ADAMTSL1: variants seen among roughly 807,000 people sequenced by gnomAD.
ADAMTSL1 encodes ADAMTS-like protein 1.
In ADAMTSL1, 126 loss-of-function variants were observed where a neutral mutation model predicts 201.8. The ratio of observed to expected loss-of-function variants is 0.62; its 90% confidence interval spans 0.54 to 0.72. The LOEUF (loss-of-function observed/expected upper bound fraction) is 0.72. ADAMTSL1 is among the 30% of genes least tolerant of loss of function. The pLI is 0.00. For missense variants in ADAMTSL1, 2,679 were observed against 2,277.8 expected (o/e 1.18, Z -3.59); for synonymous variants, 1,121 against 903.4 (o/e 1.24, Z -4.32).
intron 1 of ADAMTSL1, among the ~76,000 whole-genome samples, chr9:17,986,140 G>A (rs917956607): frequency 6.6e-6 from 1 of 152,088 alleles, no homozygotes; most frequent in Non-Finnish European, 1.5e-5. Flanking sequence ...ATTGCTTGGA[G>A]GCTCTGAGTT....
chr9:18,410,136 G>A (rs946613661), intron 2 of ADAMTSL1, among the ~76,000 whole-genome samples: 1 of 150,552 alleles, frequency 6.6e-6, no homozygotes, highest in Non-Finnish European at 1.5e-5. Context: ...AATCATTGTT[G>A]AATATTATTA....
intron 3 of ADAMTSL1, among the ~76,000 whole-genome samples, chr9:18,540,104 GAA>G (rs2132149008): frequency 1.3e-5 from 2 of 152,318 alleles, no homozygotes; most frequent in South Asian, 4.1e-4. Flanking sequence ...ATGAGAAAGA[GAA>G]AGAGAGAGGG....
chr9:18,481,273 A>G (rs1821714938), intron 1 of ADAMTSL1, among the ~76,000 whole-genome samples: 1 of 152,196 alleles, frequency 6.6e-6, no homozygotes, highest in Non-Finnish European at 1.5e-5. Flanking sequence ...GGCTGGGTGC[A>G]GTGGCTCACA....
At chr9:18,725,067 T>A (rs1817788301) in intron 15 of ADAMTSL1, among the ~76,000 whole-genome samples, 1 of 152,124 alleles carries the variant, frequency 6.6e-6, no homozygotes, top group African/African-American at 2.4e-5. Context: ...CCACCACGCC[T>A]GGCTAATATT....
intron 1 of ADAMTSL1, among the ~76,000 whole-genome samples, chr9:17,917,069 G>A (rs1049076761): frequency 6.6e-6 from 1 of 151,558 alleles, no homozygotes; most frequent in South Asian, 2.1e-4. Flanking sequence ...TTTTTTGTTA[G>A]TATACAAAAA....
At chr9:17,933,586 G>C (rs1055702994) in intron 1 of ADAMTSL1, among the ~76,000 whole-genome samples, 17 of 152,178 alleles carry the variant, frequency 1.1e-4, no homozygotes, top group African/African-American at 4.1e-4. Context: ...ATAAAGAAGA[G>C]AGGTTTAGTT....
rs776087589 is a variant in ADAMTSL1 at position 17,968,834 on chromosome 9, A to C, written c.87+61912A>C. Among the ~76,000 whole-genome samples the C allele has an allele frequency of 2.6e-5, 4 of 152,142 alleles. No homozygotes were observed. The South Asian group carries it at 6.2e-4, about 24-fold the overall frequency. On this transcript the variant is annotated intron_variant, in intron 1 of 29. Transcript: ENST00000680146. ...GAAATCCTTCACTGAGGTTTTAAAC[A>C]TAATTTCTTTAAATGCAGAATGGTA...
chr9:18,325,238 A>G (rs137967779), intron 2 of ADAMTSL1, among the ~76,000 whole-genome samples: 26 of 152,348 alleles, frequency 1.7e-4, no homozygotes, highest in African/African-American at 5.8e-4. Flanking sequence ...CTACTTTTGT[A>G]TATTTACCTA....
chr9:18,774,462 C>T (rs1189742698), intron 17 of ADAMTSL1, among the ~76,000 whole-genome samples: 2 of 151,870 alleles, frequency 1.3e-5, no homozygotes, highest in Non-Finnish European at 2.9e-5. Context: ...CCCATCTGAT[C>T]CCTGTTTCTC....
intron 1 of ADAMTSL1, among the ~76,000 whole-genome samples, chr9:18,105,486 C>G (rs1321256201): frequency 6.6e-6 from 1 of 152,118 alleles, no homozygotes; most frequent in Admixed American, 6.6e-5. Flanking sequence ...TTTGATGGAG[C>G]ATTTCTAAGC....
At chr9:18,666,950 CT>C (rs35220169) in intron 9 of ADAMTSL1, among the ~76,000 whole-genome samples, 20,066 of 128,830 alleles carry the variant, frequency 0.16, 1,280 homozygotes, top group African/African-American at 0.18. Flanking sequence ...TGCAGATTTT[CT>C]TTTTTTTTTT....
chr9:17,968,869 C>G (rs1480230075), intron 1 of ADAMTSL1, among the ~76,000 whole-genome samples: 6 of 152,040 alleles, frequency 3.9e-5, no homozygotes, highest in Non-Finnish European at 8.8e-5. Context: ...ATCTAACTGC[C>G]TCAATGACAC....
rs148283457 is a variant in ADAMTSL1, at chr9:18,024,590, A to G, written c.87+117668A>G. Among the ~76,000 whole-genome samples the G allele has an allele frequency of 3.2e-3, 493 of 152,288 alleles. 3 individuals carry two copies. Among genetic ancestry groups the G allele is most frequent in the African/African-American group, 0.011 (457 of 41,578 alleles). On this transcript the variant is annotated intron_variant, in intron 1 of 29. Transcript: ENST00000680146. The stretch of plus-strand genomic sequence containing the variant: ...CACCATCCATGTTGCTGCAAAGGAC[A>G]TGATTCCATTCTTTTTTATGGCCAT...
intron 14 of ADAMTSL1, among the ~76,000 whole-genome samples, chr9:18,720,921 G>A (rs1203887167): frequency 6.6e-6 from 1 of 152,156 alleles, no homozygotes. Context: ...GGTGTCAGTG[G>A]GAAGGTTGTT....
chr9:17,973,084 G>C (rs199771329), intron 1 of ADAMTSL1, among the ~76,000 whole-genome samples: 89,381 of 115,176 alleles, frequency 0.78, 35,905 homozygotes, highest in East Asian at 0.91. Context: ...AGATGAGTAG[G>C]TTGCAAAAAT....
intron 1 of ADAMTSL1, among the ~76,000 whole-genome samples, chr9:18,162,156 T>C (rs1261728411): frequency 6.6e-6 from 1 of 152,038 alleles, no homozygotes; most frequent in African/African-American, 2.4e-5. Context: ...CATCTAGGAC[T>C]GGGGTCCTCT....
At chr9:18,132,518 GT>G (rs1266038047) in intron 1 of ADAMTSL1, among the ~76,000 whole-genome samples, 18 of 152,124 alleles carry the variant, frequency 1.2e-4, no homozygotes, top group African/African-American at 3.9e-4. Context: ...TCTGCCACGG[GT>G]TAGATTTGAC....
intron 2 of ADAMTSL1, among the ~76,000 whole-genome samples, chr9:18,531,827 A>C (rs1486336075): frequency 2.0e-5 from 3 of 152,162 alleles, no homozygotes; most frequent in African/African-American, 4.8e-5. Flanking sequence ...GGAGGCATTA[A>C]AGCATTGTGA....
intron 2 of ADAMTSL1, among the ~76,000 whole-genome samples, chr9:18,240,076 C>T (rs1035674647): frequency 1.3e-5 from 2 of 152,160 alleles, no homozygotes; most frequent in African/African-American, 4.8e-5. Context: ...TCAATGGCAT[C>T]TAGAAAGGTG....
Sources: allele counts gnomAD v4.1 joint callset (sites outside exome capture counted in the v4.1 genomes callset), GRCh38; gene constraint gnomAD v4.1.1; transcripts MANE v1.5; gene names NCBI Gene and HGNC (gene_info 2026-07-23, HGNC 2026-07-21).